Variants in CD226 observed in about 807,000 individuals in gnomAD.
The protein encoded by CD226 is CD226 antigen.
A neutral mutation model predicts 34.9 loss-of-function variants in CD226; 24 were observed. The observed-to-expected ratio is 0.69, with a 90% CI of 0.50 to 0.97. CD226 has a LOEUF of 0.97. CD226 is among the 50% of genes least tolerant of loss of function. The pLI is 0.00. For missense variants in CD226, 397 were observed against 412.7 expected (o/e 0.96, Z 0.33); for synonymous variants, 148 against 147.4 (o/e 1.00, Z -0.03).
At chr18:69,959,104 T>C (rs1055647088), upstream of CD226, among the ~76,000 whole-genome samples, 1 of 152,150 alleles carries the variant, frequency 6.6e-6, no homozygotes, top group East Asian at 1.9e-4. Flanking sequence ...TCCCCCAACA[T>C]GGTAACTACA....
chr18:69,903,102 C>T (rs1271415829), intron 2 of CD226, among the ~76,000 whole-genome samples: 1 of 152,186 alleles, frequency 6.6e-6, no homozygotes, highest in Non-Finnish European at 1.5e-5. Flanking sequence ...AAAAATGGCA[C>T]TTTTGAAGCT....
chr18:69,920,800 AAC>A (rs2055442072), intron 2 of CD226, among the ~76,000 whole-genome samples: 1 of 152,222 alleles, frequency 6.6e-6, no homozygotes, highest in East Asian at 1.9e-4. Context: ...TCAGTATTTG[AAC>A]ACAGAAATTT....
Position 69,873,133 on chromosome 18 carries a change from G to A in CD226, c.830+11C>T, listed in dbSNP as rs762332390. On this transcript the variant is annotated intron_variant, in intron 4 of 5. Transcript: ENST00000582621. ...TGGTGAATAAGATTCAGCATAAGTTGCACTACTCACCTGTTAAGGAAAATG... is the reference window on the plus strand; with the variant it reads ...TGGTGAATAAGATTCAGCATAAGTTACACTACTCACCTGTTAAGGAAAATG... 2 of 1,377,408 alleles carry A rather than the reference G, an allele frequency of 1.5e-6. No homozygotes were observed. Among genetic ancestry groups the A allele is most frequent in the Non-Finnish European group, 2.1e-6 (2 of 964,704 alleles). 85.3% of individuals were successfully genotyped at this position (1,377,408 alleles called of 1,614,324 possible). A position where few individuals can be genotyped will look rare whatever the true frequency, so the allele number is the denominator to read the frequency against.
At chr18:69,890,520 C>T (rs1984831812) in intron 3 of CD226, among the ~76,000 whole-genome samples, 1 of 152,120 alleles carries the variant, frequency 6.6e-6, no homozygotes. Context: ...TAGCAATTTT[C>T]AGACTATAAA....
Position 69,857,399 on chromosome 18 carries a change from CAG to C in CD226, c.*6913_*6914del, listed in dbSNP as rs1236987660. The C allele has an allele frequency of 2.0e-5, 3 of 152,152 alleles. No individual in the cohort carries two copies. Among genetic ancestry groups the C allele is most frequent in the Non-Finnish European group, 4.4e-5 (3 of 68,030 alleles). The allele number at this position is 152,152 out of a possible 1,614,324, so 9.4% of individuals were successfully genotyped here. A position where few individuals can be genotyped will look rare whatever the true frequency, so the allele number is the denominator to read the frequency against. ...TGAAGCCACATCCAAAGCTGTTACT[CAG>C]AAAACTTAGTATCACTGAGAGTATA... is the stretch of plus-strand genomic sequence containing the variant. On this transcript the variant is annotated 3_prime_UTR_variant, in exon 6 of 6. Transcript: ENST00000582621.
At chr18:69,894,120 G>A (rs572700388) in intron 3 of CD226, among the ~76,000 whole-genome samples, 1 of 150,432 alleles carries the variant, frequency 6.6e-6, no homozygotes, top group East Asian at 2.0e-4. Context: ...AGGAAGGGAA[G>A]GAAAGATGGA....
At chr18:69,923,361 T>C (rs1047364045) in intron 2 of CD226, among the ~76,000 whole-genome samples, 2 of 152,240 alleles carry the variant, frequency 1.3e-5, no homozygotes, top group African/African-American at 4.8e-5. Context: ...GTGGGATCAA[T>C]GCAGGGCTGA....
chr18:69,909,238 C>T (rs1354406461), intron 2 of CD226, among the ~76,000 whole-genome samples: 3 of 152,168 alleles, frequency 2.0e-5, no homozygotes. Flanking sequence ...GATGAGAAAA[C>T]ATCTCCAAAG....
chr18:69,877,684 A>G (rs1402827982), intron 3 of CD226, among the ~76,000 whole-genome samples: 3 of 152,214 alleles, frequency 2.0e-5, no homozygotes, highest in Non-Finnish European at 2.9e-5. Context: ...CCCCAACATT[A>G]TAACAAGGAC....
chr18:69,920,290 G>A lies in CD226; in HGVS notation c.383-24245C>T, dbSNP rs1469804661. ...TGAACTTACTTCTCTACTTCCATTT[G>A]CTTTGATAAAAAGACTAGAGGTCTC... On this transcript the variant is annotated intron_variant, in intron 2 of 5. Transcript: ENST00000582621. Among the ~76,000 whole-genome samples the A allele has an allele frequency of 2.6e-5, 4 of 152,274 alleles. No homozygotes were observed. The East Asian group carries it at 5.8e-4, about 22-fold the overall frequency.
chr18:69,858,469 T>C lies in CD226; in HGVS notation c.*5845A>G, dbSNP rs1284330064. 6.6e-6 allele frequency: 1 copy of C among 152,090 alleles called. No individual in the cohort carries two copies. Among genetic ancestry groups the C allele is most frequent in the African/African-American group, 2.4e-5 (1 of 41,386 alleles). 9.4% of individuals were successfully genotyped at this position (152,090 alleles called of 1,614,324 possible). ...CCTTCCAGATATATTTAAGAGACAC[T>C]GATTTTGGAATAAGTCAGTGAATAA... On this transcript the variant is annotated 3_prime_UTR_variant, in exon 6 of 6. Transcript: ENST00000582621.
At chr18:69,924,402 T>A (rs4891792) in intron 2 of CD226, among the ~76,000 whole-genome samples, 2 of 152,026 alleles carry the variant, frequency 1.3e-5, no homozygotes, top group Non-Finnish European at 2.9e-5. Context: ...TGACAAAAGG[T>A]GATTCTGACT....
At chr18:69,873,330 C>A in intron 3 of CD226, 84 bp from the exon 4 acceptor site, 1 of 689,206 alleles carries the variant, frequency 1.5e-6, no homozygotes, top group Non-Finnish European at 2.6e-6. Context: ...AGAAAAGATA[C>A]ATTAATTATT....
intron 2 of CD226, among the ~76,000 whole-genome samples, chr18:69,901,883 A>T (rs907498598): frequency 2.0e-5 from 3 of 149,196 alleles, no homozygotes; most frequent in African/African-American, 7.3e-5. Context: ...TGACTCAAAA[A>T]AAAAAAAAAA....
rs1469496092 is a variant in CD226, at chr18:69,920,117, G to A, written c.383-24072C>T. Among the ~76,000 whole-genome samples, 3 of 152,192 alleles carry A rather than the reference G, an allele frequency of 2.0e-5. No homozygotes were observed. The South Asian group carries it at 6.2e-4, about 32-fold the overall frequency. ...AGGATCAAGGGATCTGCCTGCCTCA[G>A]CCTCCCAAAGTGCTGGGATTACAGG... On this transcript the variant is annotated intron_variant, in intron 2 of 5. Coordinates refer to ENST00000582621, the MANE Select transcript of CD226 (RefSeq NM_001303618.2).
intron 3 of CD226, among the ~76,000 whole-genome samples, chr18:69,882,221 T>G (rs543910518): frequency 3.0e-4 from 45 of 152,362 alleles, no homozygotes; most frequent in African/African-American, 1.1e-3. Flanking sequence ...TTGCCTCTCT[T>G]GATGGCAAAT....
At chr18:69,895,573 C>G in intron 3 of CD226, 128 bp downstream of exon 3, 3 of 702,080 alleles carry the variant, frequency 4.3e-6, no homozygotes, top group Non-Finnish European at 7.5e-6. Flanking sequence ...CACCTAAATT[C>G]AGCCATTTAA....
intron 2 of CD226, among the ~76,000 whole-genome samples, chr18:69,912,985 C>T (rs908139881): frequency 6.6e-6 from 1 of 152,176 alleles, no homozygotes; most frequent in African/African-American, 2.4e-5. Context: ...CAGTTTGTCT[C>T]ACTGGTTTCT....
chr18:69,883,748 A>C (rs1470093733), intron 3 of CD226, among the ~76,000 whole-genome samples: 1 of 152,268 alleles, frequency 6.6e-6, no homozygotes, highest in Non-Finnish European at 1.5e-5. Flanking sequence ...TAGTATGAGA[A>C]TGTATATGTT....
Sources: allele counts gnomAD v4.1 joint callset (sites outside exome capture counted in the v4.1 genomes callset), GRCh38; gene constraint gnomAD v4.1.1; transcripts MANE v1.5; gene names NCBI Gene and HGNC (gene_info 2026-07-23, HGNC 2026-07-21).